Variants in EPM2A observed in about 807,000 individuals in gnomAD.
EPM2A encodes the protein EPM2A glucan phosphatase, laforin, also known as laforin.
EPM2A carries 21 observed loss-of-function variants against 26.5 expected under a neutral mutation model. The observed-to-expected ratio is 0.79, with a 90% CI of 0.56 to 1.14. The LOEUF (loss-of-function observed/expected upper bound fraction) is 1.14, where lower values mean the gene tolerates loss of function less well. Ranked by LOEUF, EPM2A falls within the 50% of genes most tolerant of loss-of-function variation. EPM2A has a pLI of 0.00. For synonymous variants in EPM2A, 217 were observed against 177.6 expected, an observed-to-expected ratio of 1.22 and a Z score of -1.76; for missense variants, 458 against 440.8, an observed-to-expected ratio of 1.04 and a Z score of -0.35.
chr6:145,613,588 C>T (rs1375027777), intron 2 of EPM2A, among the ~76,000 whole-genome samples: 1 of 152,180 alleles, frequency 6.6e-6, no homozygotes, highest in African/African-American at 2.4e-5. Flanking sequence ...CAAAATTACT[C>T]ATTAATCCAT....
chr6:145,712,077 A>G (rs183018764), intron 1 of EPM2A, among the ~76,000 whole-genome samples: 1,651 of 152,284 alleles, frequency 0.011, 14 homozygotes, highest in Admixed American at 0.017. Flanking sequence ...CAGGTGGAAG[A>G]ATGGTGAAAT....
At chr6:145,479,293 C>CTA (rs914749869) in intron 4 of EPM2A, among the ~76,000 whole-genome samples, 32 of 145,562 alleles carry the variant, frequency 2.2e-4, no homozygotes, top group East Asian at 6.0e-4. Context: ...TATGATTTAA[C>CTA]TATATATATA....
At chr6:145,670,650 G>T (rs1485144079) in intron 2 of EPM2A, among the ~76,000 whole-genome samples, 1 of 152,056 alleles carries the variant, frequency 6.6e-6, no homozygotes, top group African/African-American at 2.4e-5. Flanking sequence ...TTACCTTTAA[G>T]ATGCTACTAA....
chr6:145,479,293 CTA>C (rs914749869), intron 4 of EPM2A, among the ~76,000 whole-genome samples: 4 of 145,558 alleles, frequency 2.7e-5, no homozygotes, highest in African/African-American at 1.0e-4. Context: ...TATGATTTAA[CTA>C]TATATATATA....
intron 4 of EPM2A, among the ~76,000 whole-genome samples, chr6:145,413,083 G>C (rs886182212): frequency 1.3e-5 from 2 of 152,112 alleles, no homozygotes; most frequent in African/African-American, 2.4e-5. Flanking sequence ...AATCAATAGT[G>C]ACTGTGAAAA....
chr6:145,637,258 G>A (rs1776756453), intron 2 of EPM2A: 1 of 152,174 alleles, frequency 6.6e-6, no homozygotes, highest in South Asian at 2.1e-4. Flanking sequence ...CTACAGAGTA[G>A]AAGATACCCT....
intron 4 of EPM2A, among the ~76,000 whole-genome samples, chr6:145,400,156 G>C (rs2114665824): frequency 6.6e-6 from 1 of 152,252 alleles, no homozygotes; most frequent in Non-Finnish European, 1.5e-5. Context: ...GGTAATCCCA[G>C]GGAAAGTAGC....
chr6:145,490,688 A>T, intron 4 of EPM2A: 1 of 593,564 alleles, frequency 1.7e-6, no homozygotes, highest in Non-Finnish European at 3.3e-6. Flanking sequence ...CGTTCCTTCA[A>T]ATGATAAAAC....
intron 1 of EPM2A, among the ~76,000 whole-genome samples, chr6:145,709,040 C>G (rs1292688884): frequency 4.6e-5 from 7 of 152,150 alleles, no homozygotes; most frequent in Non-Finnish European, 7.4e-5. Context: ...GCCTATTTCT[C>G]CCATTTTGGA....
chr6:145,609,735 T>C (rs115541671), intron 2 of EPM2A, among the ~76,000 whole-genome samples: 35 of 152,326 alleles, frequency 2.3e-4, no homozygotes, highest in African/African-American at 4.8e-4. Context: ...CAAGAGCCAA[T>C]TGAACATTCA....
intron 4 of EPM2A, among the ~76,000 whole-genome samples, chr6:145,422,411 T>C (rs1004405220): frequency 6.6e-5 from 10 of 151,048 alleles, no homozygotes; most frequent in Non-Finnish European, 3.0e-5. Context: ...TTCTTTATTT[T>C]CTTATTCTTT....
chr6:145,735,463 G>C lies in EPM2A; in HGVS notation c.36C>G (p.Ala12=). The C allele has an allele frequency of 8.1e-7, 1 of 1,227,932 alleles. No homozygotes were observed. Among genetic ancestry groups the C allele is most frequent in the Admixed American group, 3.7e-5 (1 of 26,694 alleles). The allele number at this position is 1,227,932 out of a possible 1,614,324, so 76.1% of individuals were successfully genotyped here. A position where few individuals can be genotyped will look rare whatever the true frequency, so the allele number is the denominator to read the frequency against. Reference sequence around the variant, plus strand: ...GCAGCTCCGGCCGGGCGCCGGCCACGGCGGGTGGCACCACCACCCCAAAGC... The same window carrying C: ...GCAGCTCCGGCCGGGCGCCGGCCACCGCGGGTGGCACCACCACCCCAAAGC... ...RFRFGVVVPP[A]VAGARPELLV... Residue 12 remains alanine (A), a synonymous_variant, in exon 1 of 4, where the codon GCC becomes GCG. Transcript: ENST00000367519.
chr6:145,557,063 A>G (rs1018046967), intron 2 of EPM2A, among the ~76,000 whole-genome samples: 4 of 152,144 alleles, frequency 2.6e-5, no homozygotes, highest in African/African-American at 9.6e-5. Context: ...ATTTTAGCAG[A>G]TTATCTGTGC....
intron 3 of EPM2A, 169 bp from the exon 4 acceptor site, chr6:145,627,862 A>G (rs1422629679): frequency 1.4e-5 from 13 of 904,906 alleles, no homozygotes; most frequent in African/African-American, 3.3e-5. Context: ...CCATTTTACA[A>G]TCTGCTAATA....
At chr6:145,654,209 A>G (rs1335465119) in intron 2 of EPM2A, among the ~76,000 whole-genome samples, 2 of 138,404 alleles carry the variant, frequency 1.4e-5, no homozygotes, top group Non-Finnish European at 3.1e-5. Flanking sequence ...TTTTTTTTTG[A>G]GACAGAGTTT....
chr6:145,585,755 T>C (rs1048247953), intron 2 of EPM2A, among the ~76,000 whole-genome samples: 1 of 152,198 alleles, frequency 6.6e-6, no homozygotes, highest in East Asian at 1.9e-4. Context: ...TTGAGTTTTG[T>C]TTTGGTATAC....
intron 2 of EPM2A, among the ~76,000 whole-genome samples, chr6:145,676,505 G>A (rs930014363): frequency 6.6e-6 from 1 of 151,908 alleles, no homozygotes; most frequent in Non-Finnish European, 1.5e-5. Flanking sequence ...TTTTTGAAAA[G>A]ATCAACAAAA....
intron 2 of EPM2A, among the ~76,000 whole-genome samples, chr6:145,656,792 A>G (rs1778324559): frequency 6.6e-6 from 1 of 152,234 alleles, no homozygotes; most frequent in Admixed American, 6.5e-5. Context: ...TACCAACTAC[A>G]GTACTGGAAG....
At chr6:145,695,007 A>G (rs900633403) in intron 1 of EPM2A, among the ~76,000 whole-genome samples, 3 of 152,056 alleles carry the variant, frequency 2.0e-5, no homozygotes, top group African/African-American at 7.2e-5. Flanking sequence ...GTCAGATTCA[A>G]AATAGTCTTT....
Sources: allele counts gnomAD v4.1 joint callset (sites outside exome capture counted in the v4.1 genomes callset), GRCh38; gene constraint gnomAD v4.1.1; transcripts MANE v1.5; gene names NCBI Gene and HGNC (gene_info 2026-07-23, HGNC 2026-07-21).